The following BCL2L11 variants were observed in gnomAD, a reference collection of about 807,000 sequenced individuals.
BCL2L11 encodes bcl-2-like protein 11.
In BCL2L11, 15 loss-of-function variants were observed where a neutral mutation model predicts 20.6. That is an observed-to-expected ratio of 0.73 (90% CI 0.49 to 1.12). BCL2L11 has a LOEUF of 1.12. BCL2L11 is among the 50% of genes most tolerant of loss of function. The pLI is 0.00. For synonymous variants in BCL2L11, 108 were observed against 92.8 expected, an observed-to-expected ratio of 1.16 and a Z score of -0.94; for missense variants, 292 against 260.9, an observed-to-expected ratio of 1.12 and a Z score of -0.82.
intron 1 of BCL2L11, chr2:111,123,422 C>G (rs1402516062): frequency 1.0e-6 from 1 of 985,348 alleles, no homozygotes; most frequent in East Asian, 1.1e-4. Context: ...AGAAGTCTGT[C>G]CTGGGCAAAG....
intron 1 of BCL2L11, among the ~76,000 whole-genome samples, chr2:111,122,406 C>T (rs950625255): frequency 6.6e-6 from 1 of 152,124 alleles, no homozygotes; most frequent in African/African-American, 2.4e-5. Context: ...AATCCTCCGA[C>T]GAAGCGGCAG....
At chr2:111,141,037 C>G (rs1575057427) in intron 2 of BCL2L11, among the ~76,000 whole-genome samples, 2 of 152,188 alleles carry the variant, frequency 1.3e-5, no homozygotes, top group Non-Finnish European at 2.9e-5. Context: ...GAGGTTCCAG[C>G]AGGTGACCCA....
chr2:111,152,155 C>T (rs1034612141), intron 3 of BCL2L11, among the ~76,000 whole-genome samples: 1 of 152,222 alleles, frequency 6.6e-6, no homozygotes, highest in Non-Finnish European at 1.5e-5. Context: ...CAGAATCCAA[C>T]AGGACAGATC....
rs919055670 is a variant in BCL2L11, at chr2:111,120,966, GCGCCGCTGCCGCTGCCGCCGCCGCCGC to G, written c.-229_-203del. 3 of 368,028 alleles carry G rather than the reference GCGCCGCTGCCGCTGCCGCCGCCGCCGC, an allele frequency of 8.2e-6. No homozygotes were observed. Among genetic ancestry groups the G allele is most frequent in the African/African-American group, 2.7e-5 (1 of 36,502 alleles). The allele number at this position is 368,028 out of a possible 1,614,324, so 22.8% of individuals were successfully genotyped here. A position where few individuals can be genotyped will look rare whatever the true frequency, so the allele number is the denominator to read the frequency against. ...GCAGTTTGTTGGAGCTCTGCGTCCA[GCGCCGCTGCCGCTGCCGCCGCCGCCGC>G]CGCCGCCGCCGCCGCCGCCGCCGCC... On this transcript the variant is annotated 5_prime_UTR_variant, in exon 1 of 4. Transcript: ENST00000393256.
At chr2:111,164,041 A>G in intron 3 of BCL2L11, 92 bp from the exon 4 acceptor site, 2 of 816,014 alleles carry the variant, frequency 2.5e-6, no homozygotes, top group African/African-American at 1.7e-5. Context: ...GGTGATTAAG[A>G]TGGGATTGGT....
chr2:111,147,008 CTAGT>C (rs1457511460), intron 2 of BCL2L11, among the ~76,000 whole-genome samples: 1 of 152,146 alleles, frequency 6.6e-6, no homozygotes, highest in Non-Finnish European at 1.5e-5. Context: ...GTGATAGGTG[CTAGT>C]TAGAGTAGCC....
intron 2 of BCL2L11, among the ~76,000 whole-genome samples, chr2:111,134,648 C>G (rs2074530868): frequency 6.6e-6 from 1 of 152,122 alleles, no homozygotes. Flanking sequence ...AAGCTTTCTT[C>G]TTTTGTCATT....
chr2:111,155,361 T>C (rs185717161), intron 3 of BCL2L11, among the ~76,000 whole-genome samples: 55 of 152,286 alleles, frequency 3.6e-4, no homozygotes, highest in African/African-American at 1.2e-3. Context: ...TGTGAGCGCA[T>C]GTACCGGTTC....
chr2:111,144,671 T>C (rs890864120), intron 2 of BCL2L11, among the ~76,000 whole-genome samples: 4 of 152,234 alleles, frequency 2.6e-5, no homozygotes, highest in Non-Finnish European at 5.9e-5. Context: ...TTTTTCTTTC[T>C]CTAAATGAAT....
At chr2:111,124,520 G>T (rs1464800989) in intron 2 of BCL2L11, among the ~76,000 whole-genome samples, 1 of 152,158 alleles carries the variant, frequency 6.6e-6, no homozygotes, top group Non-Finnish European at 1.5e-5. Flanking sequence ...TCAATCTCCT[G>T]ACCTTGTAAT....
chr2:111,138,012 C>CTTTTTT (rs66601807), intron 2 of BCL2L11, among the ~76,000 whole-genome samples: 5 of 127,140 alleles, frequency 3.9e-5, no homozygotes, highest in African/African-American at 1.5e-4. Flanking sequence ...TTCTTTCTTT[C>CTTTTTT]TTTTTTTTTT....
In BCL2L11 at chr2:111,132,356, C is replaced by T. The variant is rs1003239222; in HGVS notation, c.394+8217C>T. On this transcript the variant is annotated intron_variant, in intron 2 of 3. Coordinates refer to ENST00000393256, the MANE Select transcript of BCL2L11 (RefSeq NM_138621.5). ...TTAGAACTCGGTTCTTCTTTAGAGA[C>T]TTGTAGCTAGGAAGTAATTCAGGAT... The T allele has an allele frequency of 3.9e-5, 6 of 152,236 alleles. No homozygotes were observed. In the South Asian group the frequency reaches 1.2e-3, roughly 32 times the overall value. The allele number at this position is 152,236 out of a possible 1,614,324, so 9.4% of individuals were successfully genotyped here. A position where few individuals can be genotyped will look rare whatever the true frequency, so the allele number is the denominator to read the frequency against.
chr2:111,145,920 C>CTTTTTTTTTTTTTTTTT (rs58738963), intron 2 of BCL2L11: 1 of 671,378 alleles, frequency 1.5e-6, no homozygotes, highest in Non-Finnish European at 1.8e-6. Context: ...TAGTGGCTTT[C>CTTTTTTTTTTTTTTTTT]TTTTTTTTTT....
intron 3 of BCL2L11, among the ~76,000 whole-genome samples, chr2:111,154,353 G>GAAA (rs556911619): frequency 2.9e-5 from 3 of 104,514 alleles, no homozygotes; most frequent in African/African-American, 9.8e-5. Context: ...GCCCTTCTCA[G>GAAA]AAAAAAAAAA....
At chr2:111,157,759 T>C (rs996476677) in intron 3 of BCL2L11, among the ~76,000 whole-genome samples, 12 of 152,240 alleles carry the variant, frequency 7.9e-5, no homozygotes, top group African/African-American at 2.7e-4. Flanking sequence ...AAATAGTGTG[T>C]CAAAAATAGG....
chr2:111,136,410 G>A (rs888604601), intron 2 of BCL2L11, among the ~76,000 whole-genome samples: 3 of 152,128 alleles, frequency 2.0e-5, no homozygotes, highest in Admixed American at 6.5e-5. Context: ...GTTCTGTCTC[G>A]GGTTTTCAGT....
intron 2 of BCL2L11, among the ~76,000 whole-genome samples, chr2:111,133,778 T>C (rs539754919): frequency 6.6e-6 from 1 of 152,330 alleles, no homozygotes; most frequent in East Asian, 1.9e-4. Context: ...TTCTCTGTCC[T>C]TGCTGATTTT....
intron 3 of BCL2L11, chr2:111,162,831 T>G (rs891635006): frequency 6.6e-6 from 1 of 152,246 alleles, no homozygotes; most frequent in African/African-American, 2.4e-5. Context: ...CCTATTAATA[T>G]TAGTCTACAC....
intron 2 of BCL2L11, among the ~76,000 whole-genome samples, chr2:111,139,724 A>G (rs568201527): frequency 6.6e-6 from 1 of 152,346 alleles, no homozygotes; most frequent in Non-Finnish European, 1.5e-5. Flanking sequence ...ACCCGTTTGT[A>G]AGAGGCCAGG....
Sources: allele counts gnomAD v4.1 joint callset (sites outside exome capture counted in the v4.1 genomes callset), GRCh38; gene constraint gnomAD v4.1.1; transcripts MANE v1.5; gene names NCBI Gene and HGNC (gene_info 2026-07-23, HGNC 2026-07-21).